The following CCDC172 variants were observed in gnomAD, a reference collection of about 807,000 sequenced individuals.
CCDC172 encodes the protein coiled-coil domain containing 172.
In CCDC172, 30 loss-of-function variants were observed where a neutral mutation model predicts 38.0. The ratio of observed to expected loss-of-function variants is 0.79; its 90% confidence interval spans 0.59 to 1.07. CCDC172 has a LOEUF of 1.07. CCDC172 is among the 50% of genes least tolerant of loss of function. The pLI is 0.00. For synonymous variants in CCDC172, 78 were observed against 88.3 expected, an observed-to-expected ratio of 0.88 and a Z score of 0.66; for missense variants, 297 against 290.1, an observed-to-expected ratio of 1.02 and a Z score of -0.17.
chr10:116,370,553 T>C (rs1005309424), intron 7 of CCDC172, among the ~76,000 whole-genome samples: 4 of 151,956 alleles, frequency 2.6e-5, no homozygotes, highest in Non-Finnish European at 4.4e-5. Context: ...TGTCTTCTAC[T>C]GTATCCCACT....
intron 7 of CCDC172, among the ~76,000 whole-genome samples, chr10:116,365,884 A>G (rs1203158995): frequency 1.3e-5 from 2 of 152,182 alleles, no homozygotes; most frequent in Non-Finnish European, 2.9e-5. Context: ...CATGTGGTAC[A>G]GGTTTGTAAC....
At chr10:116,342,974 C>T (rs2024177) in intron 5 of CCDC172, among the ~76,000 whole-genome samples, 65,858 of 151,654 alleles carry the variant, frequency 0.43, 14,609 homozygotes, top group Admixed American at 0.51. Flanking sequence ...TCTTCTTCTT[C>T]TTTTTTAATA....
chr10:116,366,037 G>T (rs944679807), intron 7 of CCDC172, among the ~76,000 whole-genome samples: 3 of 151,986 alleles, frequency 2.0e-5, no homozygotes, highest in Non-Finnish European at 4.4e-5. Context: ...GTTGTTAAAC[G>T]ATGTATGACT....
intron 6 of CCDC172, 37 bp downstream of exon 6, chr10:116,357,518 ATATAGT>A: frequency 7.1e-6 from 10 of 1,403,172 alleles, no homozygotes; most frequent in Non-Finnish European, 9.6e-6. Flanking sequence ...TTGCTGATAA[ATATAGT>A]TATATATGCA....
At chr10:116,372,725 C>A (rs1248567746) in intron 7 of CCDC172, among the ~76,000 whole-genome samples, 1 of 152,024 alleles carries the variant, frequency 6.6e-6, no homozygotes, top group Non-Finnish European at 1.5e-5. Flanking sequence ...CTATACACAT[C>A]ATATTTGAAC....
At chr10:116,368,481 G>A (rs1845149594) in intron 7 of CCDC172, among the ~76,000 whole-genome samples, 1 of 151,452 alleles carries the variant, frequency 6.6e-6, no homozygotes, top group Admixed American at 6.6e-5. Flanking sequence ...ACCTTTTAAA[G>A]TTACATGGGT....
At chr10:116,378,362 G>T in intron 7 of CCDC172, 61 bp from the exon 8 acceptor site, 1 of 1,473,518 alleles carries the variant, frequency 6.8e-7, no homozygotes, top group Non-Finnish European at 9.1e-7. Flanking sequence ...GTCCCTCTCT[G>T]TGCAGTAATA....
At chr10:116,360,731 A>G (rs1480638802) in intron 7 of CCDC172, among the ~76,000 whole-genome samples, 1 of 152,058 alleles carries the variant, frequency 6.6e-6, no homozygotes, top group Non-Finnish European at 1.5e-5. Context: ...TGCCTGCCTC[A>G]GAGAGCGTGT....
chr10:116,370,765 A>C (rs1198680002), intron 7 of CCDC172, among the ~76,000 whole-genome samples: 1 of 151,674 alleles, frequency 6.6e-6, no homozygotes, highest in Non-Finnish European at 1.5e-5. Context: ...CAAGGAAAAA[A>C]TTTGTATTTT....
intron 2 of CCDC172, 48 bp downstream of exon 2, chr10:116,325,138 T>C: frequency 6.3e-7 from 1 of 1,583,646 alleles, no homozygotes; most frequent in Non-Finnish European, 8.7e-7. Context: ...CTTCTGATGC[T>C]GGGTGCTTGG....
chr10:116,378,773 T>A (rs957537566), intron 8 of CCDC172, among the ~76,000 whole-genome samples: 1 of 152,154 alleles, frequency 6.6e-6, no homozygotes, highest in African/African-American at 2.4e-5. Context: ...CAACTTTAGA[T>A]CTGACCTCAT....
chr10:116,357,281 C>T (rs1845010022), intron 5 of CCDC172, 99 bp from the exon 6 acceptor site: 1 of 681,838 alleles, frequency 1.5e-6, no homozygotes, highest in African/African-American at 1.9e-5. Flanking sequence ...CACTTTCTTT[C>T]ATCTGTGTTT....
intron 3 of CCDC172, among the ~76,000 whole-genome samples, chr10:116,328,732 A>C (rs1347213043): frequency 2.0e-5 from 3 of 152,098 alleles, no homozygotes; most frequent in African/African-American, 7.2e-5. Context: ...GGCCCCATTT[A>C]CTTCTTTACC....
chr10:116,339,372 A>T (rs971335347), intron 3 of CCDC172, among the ~76,000 whole-genome samples: 7 of 151,846 alleles, frequency 4.6e-5, no homozygotes, highest in Admixed American at 2.0e-4. Flanking sequence ...GTCACAAAAT[A>T]TTTTTTATTC....
chr10:116,329,877 A>G (rs1844637230), intron 3 of CCDC172, among the ~76,000 whole-genome samples: 1 of 152,216 alleles, frequency 6.6e-6, no homozygotes, highest in African/African-American at 2.4e-5. Flanking sequence ...TGTCAAAAAT[A>G]TTAATTTTAT....
intron 7 of CCDC172, among the ~76,000 whole-genome samples, chr10:116,362,641 G>T (rs1199182224): frequency 4.6e-5 from 7 of 152,164 alleles, no homozygotes; most frequent in Non-Finnish European, 1.0e-4. Flanking sequence ...AGAGTAACAA[G>T]ATCTCAGTTC....
rs192760074 is a variant in CCDC172, at chr10:116,330,381, A to G, written c.165+4993A>G. Among the ~76,000 whole-genome samples the G allele has an allele frequency of 3.2e-3, 488 of 152,330 alleles. 1 individual carries two copies. Among genetic ancestry groups the G allele is most frequent in the African/African-American group, 0.011 (474 of 41,574 alleles). The stretch of plus-strand genomic sequence containing the variant: ...ATGTTACTTTTCAAAGCATATTATG[A>G]AATATATCAACATTTGGAGGATCTG... On this transcript the variant is annotated intron_variant, in intron 3 of 8. Coordinates refer to ENST00000333254, the MANE Select transcript of CCDC172 (RefSeq NM_198515.3).
chr10:116,331,893 G>A (rs1844667294), intron 3 of CCDC172, among the ~76,000 whole-genome samples: 1 of 152,106 alleles, frequency 6.6e-6, no homozygotes, highest in Non-Finnish European at 1.5e-5. Flanking sequence ...GTATGGATAA[G>A]AGAATCTCAG....
chr10:116,347,509 T>C (rs898423886), intron 5 of CCDC172, among the ~76,000 whole-genome samples: 1 of 151,944 alleles, frequency 6.6e-6, no homozygotes, highest in Non-Finnish European at 1.5e-5. Flanking sequence ...TAGATTACAG[T>C]TGGAAAAGCA....
Sources: gnomAD v4.1 joint callset for allele counts (sites outside exome capture counted in the v4.1 genomes callset) on GRCh38, gnomAD v4.1.1 for gene constraint, MANE v1.5 for transcripts, NCBI Gene and HGNC (gene_info 2026-07-23, HGNC 2026-07-21) for gene names.